GHR: variants seen among roughly 807,000 people sequenced by gnomAD.
GHR encodes the protein GH receptor.
A neutral mutation model predicts 67.1 loss-of-function variants in GHR; 35 were observed. That is an observed-to-expected ratio of 0.52 (90% confidence interval 0.40 to 0.69). The LOEUF (loss-of-function observed/expected upper bound fraction) is 0.69. Among genes scored for constraint, GHR ranks in the 30% least tolerant of loss-of-function variants. GHR has a pLI of 0.00. For synonymous variants in GHR, 272 were observed against 269.1 expected, an observed-to-expected ratio of 1.01 and a Z score of -0.10; for missense variants, 792 against 764.6, an observed-to-expected ratio of 1.04 and a Z score of -0.42.
At chr5:42,524,240 C>A (rs112608129) in intron 1 of GHR, among the ~76,000 whole-genome samples, 2 of 152,236 alleles carry the variant, frequency 1.3e-5, no homozygotes, top group African/African-American at 2.4e-5. Context: ...ATAACTTTGA[C>A]CCAACAGCCT....
intron 2 of GHR, among the ~76,000 whole-genome samples, chr5:42,575,001 A>G (rs1579970215): frequency 6.6e-6 from 1 of 152,118 alleles, no homozygotes; most frequent in African/African-American, 2.4e-5. Context: ...CAGTTGGTTG[A>G]TAGAAGCTTA....
At chr5:42,494,481 T>C (rs569810242) in intron 1 of GHR, among the ~76,000 whole-genome samples, 1 of 152,208 alleles carries the variant, frequency 6.6e-6, no homozygotes, top group African/African-American at 2.4e-5. Flanking sequence ...CCATCAAGCA[T>C]GGACGGATAT....
intron 1 of GHR, chr5:42,565,365 C>A: frequency 1.5e-6 from 1 of 685,564 alleles, no homozygotes; most frequent in South Asian, 6.5e-5. Flanking sequence ...GGCTCATTAG[C>A]AACTCGTTTT....
At chr5:42,613,062 A>C (rs1312794880) in intron 2 of GHR, among the ~76,000 whole-genome samples, 1 of 152,186 alleles carries the variant, frequency 6.6e-6, no homozygotes, top group East Asian at 1.9e-4. Context: ...GAGATGTTTC[A>C]AATTCTACAT....
intron 3 of GHR, among the ~76,000 whole-genome samples, chr5:42,630,961 T>C (rs920549335): frequency 6.8e-6 from 1 of 146,768 alleles, no homozygotes; most frequent in Non-Finnish European, 1.5e-5. Flanking sequence ...GAAATGCCTG[T>C]TCCCATTTAG....
chr5:42,447,486 A>G (rs1007836144), intron 1 of GHR, among the ~76,000 whole-genome samples: 3 of 152,078 alleles, frequency 2.0e-5, no homozygotes, highest in African/African-American at 7.2e-5. Context: ...GTAGTATTCC[A>G]TGGTATATAT....
At chr5:42,592,351 A>C (rs1414763883) in intron 2 of GHR, among the ~76,000 whole-genome samples, 1 of 152,056 alleles carries the variant, frequency 6.6e-6, no homozygotes, top group Non-Finnish European at 1.5e-5. Context: ...GGCATACATG[A>C]TTTCATCACC....
At chr5:42,524,955 C>T (rs537421122) in intron 1 of GHR, among the ~76,000 whole-genome samples, 1 of 152,298 alleles carries the variant, frequency 6.6e-6, no homozygotes, top group African/African-American at 2.4e-5. Flanking sequence ...GGAAGATGTA[C>T]GGAAATGCCT....
intron 3 of GHR, among the ~76,000 whole-genome samples, chr5:42,635,388 AAG>A (rs1754126514): frequency 6.6e-6 from 1 of 152,254 alleles, no homozygotes; most frequent in African/African-American, 2.4e-5. Context: ...TTAACAGCCC[AAG>A]AGAGTGAAGA....
chr5:42,700,103 C>T, intron 6 of GHR, 101 bp downstream of exon 6: 1 of 727,934 alleles, frequency 1.4e-6, no homozygotes, highest in Non-Finnish European at 2.5e-6. Flanking sequence ...ACCACATGTT[C>T]ATGCTGTATG....
chr5:42,649,984 T>C (rs1208280142), intron 3 of GHR, among the ~76,000 whole-genome samples: 1 of 152,116 alleles, frequency 6.6e-6, no homozygotes, highest in African/African-American at 2.4e-5. Context: ...TAGACTTCAG[T>C]TGGAAGAAAA....
intron 1 of GHR, among the ~76,000 whole-genome samples, chr5:42,500,574 A>T (rs542488168): frequency 6.6e-5 from 10 of 152,318 alleles, no homozygotes; most frequent in African/African-American, 2.4e-4. Context: ...TGAAAATCTG[A>T]TTTTTTCACA....
chr5:42,711,156 A>G (rs1238558060), intron 6 of GHR, 51 bp from the exon 7 acceptor site: 2 of 1,355,424 alleles, frequency 1.5e-6, no homozygotes, highest in South Asian at 2.3e-5. Flanking sequence ...TGTTCATTGC[A>G]TTGAGTTGTT....
intron 3 of GHR, among the ~76,000 whole-genome samples, chr5:42,654,669 G>C (rs1755167611): frequency 6.6e-6 from 1 of 152,126 alleles, no homozygotes; most frequent in African/African-American, 2.4e-5. Flanking sequence ...GGCAAAAATG[G>C]AGTTTCCTAA....
At chr5:42,658,231 T>A (rs1391278398) in intron 3 of GHR, among the ~76,000 whole-genome samples, 6 of 151,820 alleles carry the variant, frequency 4.0e-5, no homozygotes, top group African/African-American at 1.5e-4. Flanking sequence ...AAAAAGAAAA[T>A]CCAAATAAAA....
At chr5:42,693,706 A>T (rs889966748) in intron 4 of GHR, among the ~76,000 whole-genome samples, 2 of 151,994 alleles carry the variant, frequency 1.3e-5, no homozygotes. Flanking sequence ...TTCATTGTCC[A>T]CTGCTGCCCA....
intron 3 of GHR, among the ~76,000 whole-genome samples, chr5:42,655,600 CAT>C (rs1755216370): frequency 6.6e-6 from 1 of 152,070 alleles, no homozygotes; most frequent in South Asian, 2.1e-4. Flanking sequence ...ACACATGATA[CAT>C]ATGTTTACAT....
intron 1 of GHR, chr5:42,468,544 G>T: frequency 1.2e-6 from 1 of 825,500 alleles, no homozygotes; most frequent in South Asian, 1.8e-5. Flanking sequence ...CGAGAACAAT[G>T]ACCCTTATTC....
intron 3 of GHR, among the ~76,000 whole-genome samples, chr5:42,658,297 A>T (rs1252422799): frequency 1.3e-5 from 2 of 152,204 alleles, no homozygotes; most frequent in Admixed American, 1.3e-4. Flanking sequence ...AAGTGGGAAA[A>T]ATCTGGATTC....
Sources: gnomAD v4.1 joint callset for allele counts (sites outside exome capture counted in the v4.1 genomes callset) on GRCh38, gnomAD v4.1.1 for gene constraint, MANE v1.5 for transcripts, NCBI Gene and HGNC (gene_info 2026-07-23, HGNC 2026-07-21) for gene names.